The following NEBL variants were observed in gnomAD, a reference collection of about 807,000 sequenced individuals.
NEBL encodes the protein LIM and SH3 protein 2.
Under a neutral mutation model 140.2 loss-of-function variants are expected in NEBL, and 122 were observed. The ratio of observed to expected loss-of-function variants is 0.87; its 90% CI spans 0.75 to 1.01. The LOEUF (loss-of-function observed/expected upper bound fraction) is 1.01, where lower values mean the gene tolerates loss of function less well. Ranked by LOEUF, NEBL falls within the 50% of genes least tolerant of loss-of-function variation. NEBL has a pLI of 0.00. For synonymous variants in NEBL, 436 were observed against 398.9 expected, an observed-to-expected ratio of 1.09 and a Z score of -1.11; for missense variants, 1,365 against 1,231.3, an observed-to-expected ratio of 1.11 and a Z score of -1.62.
At chr10:21,255,861 G>GTGGCAGGCACCTGTA (rs1842652710) in intron 1 of NEBL, among the ~76,000 whole-genome samples, 1 of 151,554 alleles carries the variant, frequency 6.6e-6, no homozygotes, top group Non-Finnish European at 1.5e-5. Flanking sequence ...GCCAGGCGTG[G>GTGGCAGGCACCTGTA]GTCCCAGCTA....
chr10:20,964,142 C>T (rs1357397052), intron 3 of NEBL, among the ~76,000 whole-genome samples: 1 of 152,144 alleles, frequency 6.6e-6, no homozygotes, highest in Non-Finnish European at 1.5e-5. Flanking sequence ...TCTCCAATCT[C>T]ATGTGGCCCC....
intron 2 of NEBL, among the ~76,000 whole-genome samples, chr10:21,092,082 A>G (rs749117265): frequency 7.2e-5 from 11 of 152,252 alleles, no homozygotes; most frequent in Non-Finnish European, 1.5e-4. Context: ...AACTACAGGC[A>G]ATCTGATAAT....
chr10:20,924,246 A>G (rs1035372284), intron 4 of NEBL, among the ~76,000 whole-genome samples: 1 of 151,966 alleles, frequency 6.6e-6, no homozygotes, highest in African/African-American at 2.4e-5. Flanking sequence ...TATAATACAC[A>G]GCCCAAGATG....
intron 2 of NEBL, among the ~76,000 whole-genome samples, chr10:21,092,031 A>C (rs1000236692): frequency 5.9e-5 from 9 of 152,206 alleles, no homozygotes; most frequent in African/African-American, 9.6e-5. Flanking sequence ...TCTATTTGTT[A>C]AGGGCGATTT....
At chr10:20,943,239 C>A (rs1309545674) in intron 4 of NEBL, among the ~76,000 whole-genome samples, 1 of 152,338 alleles carries the variant, frequency 6.6e-6, no homozygotes, top group Admixed American at 6.5e-5. Context: ...CACATATACA[C>A]CATGGAATAC....
intron 2 of NEBL, among the ~76,000 whole-genome samples, chr10:21,088,195 C>A (rs1046933004): frequency 1.3e-5 from 2 of 152,138 alleles, no homozygotes; most frequent in African/African-American, 4.8e-5. Flanking sequence ...CACAGTGTAC[C>A]ACATCCTGGC....
intron 3 of NEBL, among the ~76,000 whole-genome samples, chr10:20,980,681 T>A (rs1837003974): frequency 6.6e-6 from 1 of 152,134 alleles, no homozygotes; most frequent in Non-Finnish European, 1.5e-5. Context: ...CATCTGCCAT[T>A]CCCTCCCCAG....
chr10:20,828,577 T>C lies in NEBL; in HGVS notation c.1729A>G (p.Thr577Ala), dbSNP rs1840105504. 6.3e-7 allele frequency: 1 copy of C among 1,597,560 alleles called. No homozygotes were observed. Among genetic ancestry groups the C allele is most frequent in the Non-Finnish European group, 8.6e-7 (1 of 1,165,486 alleles). ...GTCTTAATTCTCTGAATTTCAGGAG[T>C]ATCTGCTATGGTAGAATAGTTAGAA... ...MLSNYSTIAD[T>A]PEIQRIKTTQ... Residue 577 changes from threonine (T) to alanine (A), a missense_variant, in exon 17 of 28, where the codon ACT becomes GCT. Physicochemically the swap from Thr to Ala is moderately conservative, Grantham distance 58. Coordinates refer to ENST00000377122, the MANE Select transcript of NEBL (RefSeq NM_006393.3).
At position 20,826,381 on chromosome 10, in the gene NEBL, T is replaced by TA; in HGVS notation, c.1869+65dup. On this transcript the variant is annotated intron_variant, in intron 18 of 27. Coordinates refer to ENST00000377122, the MANE Select transcript of NEBL (RefSeq NM_006393.3). ...AAAAGCCATCAGTTGAGTAAAGAACTAAAAACATTTGTCTATAGTTTTGGT... is the reference window on the plus strand; with the variant it reads ...AAAAGCCATCAGTTGAGTAAAGAACTAAAAAACATTTGTCTATAGTTTTGGT... 3.1e-6 allele frequency: 4 copies of TA among 1,277,118 alleles called. No homozygotes were observed. In the South Asian group the frequency reaches 4.8e-5, roughly 15 times the overall value. The allele number at this position is 1,277,118 out of a possible 1,614,324, so 79.1% of individuals were successfully genotyped here.
intron 2 of NEBL, among the ~76,000 whole-genome samples, chr10:21,155,155 C>T (rs1180970021): frequency 6.6e-6 from 1 of 152,048 alleles, no homozygotes; most frequent in Non-Finnish European, 1.5e-5. Flanking sequence ...GCTGAGATCT[C>T]GCCACTGCAC....
chr10:21,064,933 T>G (rs892456190), intron 2 of NEBL, among the ~76,000 whole-genome samples: 3 of 151,666 alleles, frequency 2.0e-5, no homozygotes, highest in Non-Finnish European at 2.9e-5. Flanking sequence ...AAGAATGAGA[T>G]AGAAAAAAAG....
Position 21,173,613 on chromosome 10 carries a change from G to T in NEBL, c.69+152C>A. 1.6e-6 allele frequency: 2 copies of T among 1,270,246 alleles called. No individual in the cohort carries two copies. The highest frequency in any genetic ancestry group is 2.2e-6 in the Non-Finnish European group (2 of 898,546). 78.7% of individuals were successfully genotyped at this position (1,270,246 alleles called of 1,614,324 possible). Reference sequence around the variant, plus strand: ...AGCGTGGTCTCTGACACTCCCGCTGGCGTCTTCGTTCGCGCGCCCTCCCCC... The same window carrying T: ...AGCGTGGTCTCTGACACTCCCGCTGTCGTCTTCGTTCGCGCGCCCTCCCCC... On this transcript the variant is annotated intron_variant, in intron 1 of 6. Coordinates refer to the NEBL transcript ENST00000417816. This position sits in a 1 kb window ranked among gnomAD's most constrained non-coding sequence, Gnocchi z 5.7.
intron 2 of NEBL, among the ~76,000 whole-genome samples, chr10:21,131,891 T>C (rs947780563): frequency 4.6e-5 from 7 of 152,200 alleles, no homozygotes; most frequent in African/African-American, 1.4e-4. Context: ...ATTTTTTGAA[T>C]GGTCAATGCT....
intron 3 of NEBL, among the ~76,000 whole-genome samples, chr10:21,199,005 TTTTA>T (rs1438156993): frequency 1.3e-5 from 2 of 151,546 alleles, no homozygotes; most frequent in Non-Finnish European, 2.9e-5. Context: ...TTTATTTTTA[TTTTA>T]TTTATTTATT....
chr10:21,142,998 GGTGT>G (rs147399252), intron 2 of NEBL, among the ~76,000 whole-genome samples: 5 of 151,290 alleles, frequency 3.3e-5, no homozygotes, highest in Non-Finnish European at 1.5e-5. Flanking sequence ...GTGTGTGTGG[GGTGT>G]GTGTGTGTGT....
At chr10:20,970,133 G>A (rs1001204898) in intron 3 of NEBL, among the ~76,000 whole-genome samples, 5 of 152,166 alleles carry the variant, frequency 3.3e-5, no homozygotes, top group African/African-American at 1.2e-4. Flanking sequence ...AGTGGCTCCT[G>A]TGTTCCAAGC....
chr10:21,067,823 A>T (rs1410377813), intron 2 of NEBL, among the ~76,000 whole-genome samples: 1 of 152,126 alleles, frequency 6.6e-6, no homozygotes, highest in East Asian at 1.9e-4. Context: ...CCAAAAAAAA[A>T]TTAAAACATC....
intron 2 of NEBL, among the ~76,000 whole-genome samples, chr10:21,036,172 A>G (rs1403075779): frequency 1.3e-5 from 2 of 152,098 alleles, no homozygotes; most frequent in Admixed American, 1.3e-4. Flanking sequence ...AGAAAAAAGA[A>G]AGAAAAGGAC....
At chr10:20,984,363 A>G (rs933900997) in intron 3 of NEBL, among the ~76,000 whole-genome samples, 1 of 152,212 alleles carries the variant, frequency 6.6e-6, no homozygotes, top group Admixed American at 6.5e-5. Flanking sequence ...AAAACTAAAT[A>G]ATCTAGAGGA....
Sources: gnomAD v4.1 joint callset for allele counts (sites outside exome capture counted in the v4.1 genomes callset) on GRCh38, gnomAD v4.1.1 for gene constraint, Gnocchi (gnomAD v3.1) non-coding constraint, MANE v1.5 for transcripts, NCBI Gene and HGNC (gene_info 2026-07-23, HGNC 2026-07-21) for gene names.